The following MKLN1 variants were observed in gnomAD, a reference collection of about 807,000 sequenced individuals.
The protein encoded by MKLN1 is muskelin 1, also known as muskelin.
Under a neutral mutation model 99.0 loss-of-function variants are expected in MKLN1, and 18 were observed. That is an observed-to-expected ratio of 0.18 (90% confidence interval 0.13 to 0.27). MKLN1 has a LOEUF of 0.27. MKLN1 is among the 10% of genes least tolerant of loss of function. The probability of loss-of-function intolerance (pLI) is 1.00; values close to 1 mark genes in which losing one functional copy is unlikely to be tolerated. For synonymous variants in MKLN1, 288 were observed against 293.2 expected, an observed-to-expected ratio of 0.98 and a Z score of 0.18; for missense variants, 621 against 875.9, an observed-to-expected ratio of 0.71 and a Z score of 3.67.
At chr7:131,368,754 G>C (rs2116827201) in intron 1 of MKLN1, among the ~76,000 whole-genome samples, 1 of 152,134 alleles carries the variant, frequency 6.6e-6, no homozygotes, top group East Asian at 1.9e-4. Flanking sequence ...ATATCAGATT[G>C]CAAGTCAGTT....
intron 1 of MKLN1, among the ~76,000 whole-genome samples, chr7:131,349,644 A>G (rs897172157): frequency 2.0e-5 from 3 of 152,228 alleles, no homozygotes; most frequent in African/African-American, 7.2e-5. Context: ...GTTTTGAAAT[A>G]TATTCTGAAG....
At chr7:131,215,858 C>T (rs1000565184) in intron 3 of MKLN1, among the ~76,000 whole-genome samples, 9 of 152,256 alleles carry the variant, frequency 5.9e-5, no homozygotes, top group South Asian at 4.1e-4. Context: ...TTACCACATG[C>T]GGTCAGCTTA....
chr7:131,225,029 T>C (rs564200256), intron 3 of MKLN1, among the ~76,000 whole-genome samples: 4 of 148,728 alleles, frequency 2.7e-5, no homozygotes, highest in East Asian at 2.0e-4. Context: ...GCCAAGATCG[T>C]GCCACTGCAG....
chr7:131,227,517 C>CTTTCTTTCT, intron 3 of MKLN1, among the ~76,000 whole-genome samples: 1 of 135,054 alleles, frequency 7.4e-6, no homozygotes, highest in South Asian at 2.3e-4. Flanking sequence ...TTCTTTCTTT[C>CTTTCTTTCT]TTTCTTTCTT....
chr7:131,385,005 A>G (rs1156548918), intron 2 of MKLN1, among the ~76,000 whole-genome samples: 1 of 152,248 alleles, frequency 6.6e-6, no homozygotes, highest in African/African-American at 2.4e-5. Context: ...CATTGTCCAC[A>G]AAGAAACTTC....
chr7:131,332,760 A>AT (rs1020252231), intron 1 of MKLN1, among the ~76,000 whole-genome samples: 1 of 150,466 alleles, frequency 6.6e-6, no homozygotes, highest in Non-Finnish European at 1.5e-5. Context: ...TCTATATTGT[A>AT]TTTTTTTTCT....
At chr7:131,145,198 C>T (rs1471437645) in intron 2 of MKLN1, among the ~76,000 whole-genome samples, 1 of 152,104 alleles carries the variant, frequency 6.6e-6, no homozygotes, top group Non-Finnish European at 1.5e-5. Flanking sequence ...CTCTCCCCAC[C>T]CCCAATCCTG....
intron 3 of MKLN1, among the ~76,000 whole-genome samples, chr7:131,319,000 G>A (rs965008955): frequency 1.1e-4 from 17 of 152,048 alleles, no homozygotes; most frequent in African/African-American, 3.9e-4. Flanking sequence ...ACTGACAGCC[G>A]AATTCTACCA....
intron 11 of MKLN1, among the ~76,000 whole-genome samples, chr7:131,444,769 T>TAGTAGTAGTAGTAGTAGTAGTAGAAGA (rs1795956291): frequency 3.7e-5 from 2 of 53,782 alleles, no homozygotes; most frequent in Non-Finnish European, 7.2e-5. Context: ...GAAGAAGTAG[T>TAGTAGTAGTAGTAGTAGTAGTAGAAGA]AGTAGTAGTA....
At chr7:131,253,231 CCCA>C (rs1690941363) in intron 3 of MKLN1, among the ~76,000 whole-genome samples, 1 of 152,128 alleles carries the variant, frequency 6.6e-6, no homozygotes, top group South Asian at 2.1e-4. Context: ...TCCCTCCCTG[CCCA>C]ACCCCAACTA....
chr7:131,366,118 C>T (rs1291504469), intron 1 of MKLN1, among the ~76,000 whole-genome samples: 1 of 152,164 alleles, frequency 6.6e-6, no homozygotes, highest in African/African-American at 2.4e-5. Context: ...AAGAATTAAA[C>T]CTTTCCCTTT....
At chr7:131,132,485 G>A (rs1795566029) in intron 1 of MKLN1, among the ~76,000 whole-genome samples, 1 of 152,190 alleles carries the variant, frequency 6.6e-6, no homozygotes, top group Admixed American at 6.5e-5. Flanking sequence ...TTTCACAGAG[G>A]TGAAATGATT....
chr7:131,419,683 T>C lies in MKLN1; in HGVS notation c.847+4973T>C, dbSNP rs572599580. ...ACTGATATTATTACAAAGTAAAACA[T>C]TGCCACCTTTCTACTACTCTTGGTT... On this transcript the variant is annotated intron_variant, in intron 8 of 17. Coordinates refer to ENST00000352689, the MANE Select transcript of MKLN1 (RefSeq NM_013255.5). Among the ~76,000 whole-genome samples, 4 of 152,316 alleles carry C rather than the reference T, an allele frequency of 2.6e-5. No individual in the cohort carries two copies. The South Asian group carries it at 8.3e-4, about 32-fold the overall frequency.
chr7:131,179,055 G>C (rs1422195827), intron 2 of MKLN1, among the ~76,000 whole-genome samples: 1 of 152,074 alleles, frequency 6.6e-6, no homozygotes, highest in Non-Finnish European at 1.5e-5. Flanking sequence ...TGAAGCACTT[G>C]CTTCTCTTAT....
intron 2 of MKLN1, among the ~76,000 whole-genome samples, chr7:131,149,048 T>C (rs1200436447): frequency 6.6e-6 from 1 of 152,132 alleles, no homozygotes; most frequent in Non-Finnish European, 1.5e-5. Context: ...GGGCAGGCGG[T>C]GGGGCAGAAA....
chr7:131,296,196 T>A (rs1054135804), intron 3 of MKLN1, among the ~76,000 whole-genome samples: 2 of 152,196 alleles, frequency 1.3e-5, no homozygotes, highest in Admixed American at 1.3e-4. Context: ...GACATGTGTA[T>A]AAGGATATTG....
intron 3 of MKLN1, among the ~76,000 whole-genome samples, chr7:131,300,253 A>G (rs1002093228): frequency 6.6e-6 from 1 of 152,028 alleles, no homozygotes; most frequent in Non-Finnish European, 1.5e-5. Flanking sequence ...AAGAATGACA[A>G]TGACGAGGTT....
At chr7:131,167,326 C>T (rs938484639) in intron 2 of MKLN1, among the ~76,000 whole-genome samples, 12 of 152,148 alleles carry the variant, frequency 7.9e-5, no homozygotes, top group East Asian at 1.9e-4. Flanking sequence ...TCTCCTGCAA[C>T]GTTTTATGTT....
intron 2 of MKLN1, among the ~76,000 whole-genome samples, chr7:131,192,209 AT>A: frequency 1.4e-5 from 1 of 69,440 alleles, no homozygotes; most frequent in Non-Finnish European, 2.6e-5. Flanking sequence ...TATACAATAT[AT>A]AAATATATAA....
Sources: gnomAD v4.1 joint callset for allele counts (sites outside exome capture counted in the v4.1 genomes callset) on GRCh38, gnomAD v4.1.1 for gene constraint, MANE v1.5 for transcripts, NCBI Gene and HGNC (gene_info 2026-07-23, HGNC 2026-07-21) for gene names.